The following RMDN1 variants were observed in gnomAD, a reference collection of about 807,000 sequenced individuals.
RMDN1 encodes regulator of microtubule dynamics 1, also known as regulator of microtubule dynamics protein 1.
Under a neutral mutation model 48.9 loss-of-function variants are expected in RMDN1, and 48 were observed. The observed-to-expected ratio is 0.98, with a 90% CI of 0.78 to 1.25. The LOEUF (loss-of-function observed/expected upper bound fraction) is 1.25. RMDN1 is among the 50% of genes most tolerant of loss of function. The pLI, the probability that RMDN1 is intolerant of heterozygous loss-of-function variation, is 0.00. For missense variants in RMDN1, 418 were observed against 373.4 expected (o/e 1.12, Z -0.98); for synonymous variants, 148 against 132.6 (o/e 1.12, Z -0.80).
intron 8 of RMDN1, among the ~76,000 whole-genome samples, chr8:86,475,735 GATTA>G (rs1264322888): frequency 6.6e-6 from 1 of 152,132 alleles, no homozygotes; most frequent in African/African-American, 2.4e-5. Flanking sequence ...TACAATTAAT[GATTA>G]ACTCCATTTG....
intron 1 of RMDN1, among the ~76,000 whole-genome samples, chr8:86,513,814 T>C (rs1312261463): frequency 2.0e-5 from 3 of 152,150 alleles, no homozygotes; most frequent in Admixed American, 2.0e-4. Flanking sequence ...ACAGCTAAGA[T>C]GTATTTCGCT....
intron 5 of RMDN1, among the ~76,000 whole-genome samples, chr8:86,482,274 C>T (rs1425221355): frequency 1.3e-5 from 2 of 151,862 alleles, no homozygotes; most frequent in South Asian, 2.1e-4. Flanking sequence ...TGGCAGTGGG[C>T]GCCTGTAATC....
Position 86,495,038 on chromosome 8 carries a change from G to C in RMDN1, c.248-6399C>G, listed in dbSNP as rs190528459. 343 of 331,124 alleles carry C rather than the reference G, an allele frequency of 1.0e-3. 4 individuals are homozygous for C. Among genetic ancestry groups the C allele is most frequent in the African/African-American group, 6.9e-3 (316 of 46,102 alleles). The allele number at this position is 331,124 out of a possible 1,614,324, so 20.5% of individuals were successfully genotyped here. A position where few individuals can be genotyped will look rare whatever the true frequency, so the allele number is the denominator to read the frequency against. On this transcript the variant is annotated intron_variant, in intron 2 of 9. Transcript: ENST00000406452. ...TCCTCAAGACACTTTTGAAAAACTA[G>C]AGGAGCCAAGATGGCTGACTAGGCA...
downstream of RMDN1, among the ~76,000 whole-genome samples, chr8:86,471,630 G>T (rs770098891): frequency 2.0e-5 from 3 of 151,980 alleles, no homozygotes; most frequent in African/African-American, 7.3e-5. Context: ...ATCTAAGGAA[G>T]AAGAGATACA....
upstream of RMDN1, among the ~76,000 whole-genome samples, chr8:86,511,552 G>A (rs1201346270): frequency 2.0e-5 from 3 of 152,142 alleles, no homozygotes; most frequent in Non-Finnish European, 4.4e-5. Context: ...CCTCATGCCT[G>A]TAATCCCAGC....
At chr8:86,489,068 A>G (rs1050780815) in intron 2 of RMDN1, among the ~76,000 whole-genome samples, 7 of 152,214 alleles carry the variant, frequency 4.6e-5, no homozygotes, top group Admixed American at 2.6e-4. Flanking sequence ...CTTGCTCTAC[A>G]CAGTCTTTGT....
chr8:86,480,483 C>T (rs1303903994), intron 5 of RMDN1, 151 bp from the exon 6 acceptor site: 1 of 495,264 alleles, frequency 2.0e-6, no homozygotes, highest in Non-Finnish European at 3.7e-6. Flanking sequence ...CCTCCTGATT[C>T]TTTGATTAAA....
chr8:86,504,318 G>A, intron 2 of RMDN1: 1 of 1,579,896 alleles, frequency 6.3e-7, no homozygotes, highest in East Asian at 2.2e-5. Flanking sequence ...TGCAAGATGA[G>A]AGTGCAAGGA....
At chr8:86,489,240 A>T (rs1377795537) in intron 2 of RMDN1, among the ~76,000 whole-genome samples, 3 of 152,226 alleles carry the variant, frequency 2.0e-5, no homozygotes, top group East Asian at 3.8e-4. Context: ...AGAAATTTAG[A>T]TGAAGCTAAC....
intron 2 of RMDN1, among the ~76,000 whole-genome samples, chr8:86,500,523 A>C (rs1178855216): frequency 7.1e-6 from 1 of 140,410 alleles, no homozygotes; most frequent in Non-Finnish European, 1.6e-5. Flanking sequence ...TTTCAAAAAA[A>C]AATAATTAAA....
At chr8:86,503,876 T>C (rs556089357) in intron 2 of RMDN1, 1 of 653,856 alleles carries the variant, frequency 1.5e-6, no homozygotes, top group Admixed American at 2.1e-5. Flanking sequence ...GTCAACCTGT[T>C]GGCTGTCTCT....
At chr8:86,498,895 T>C (rs1032999301) in intron 2 of RMDN1, among the ~76,000 whole-genome samples, 4 of 152,180 alleles carry the variant, frequency 2.6e-5, no homozygotes, top group African/African-American at 4.8e-5. Flanking sequence ...ATTCTTGAGA[T>C]GCAAGGTTGG....
chr8:86,484,105 T>C (rs780795558), intron 5 of RMDN1, among the ~76,000 whole-genome samples: 7 of 152,198 alleles, frequency 4.6e-5, no homozygotes, highest in Non-Finnish European at 7.4e-5. Context: ...AAACTGGGCT[T>C]GCCCTTGTGA....
intron 2 of RMDN1, chr8:86,505,134 C>A: frequency 1.5e-6 from 2 of 1,294,494 alleles, no homozygotes; most frequent in Non-Finnish European, 2.0e-6. Flanking sequence ...GAGACCTCAT[C>A]AGGATGAACC....
chr8:86,508,498 G>A lies in RMDN1; in HGVS notation c.123C>T (p.Gly41=), dbSNP rs1428474635. The change falls in exon 1 of 10, where the codon GGC becomes GGT. Residue 41 remains glycine, a synonymous_variant. Transcript: ENST00000406452. ...RGHCGPCRFR[G]FEVMGNPGTF... is the part of the protein sequence containing the mutation. The stretch of plus-strand genomic sequence containing the variant: ...GCCAGGACCACGGGGGTACCTCGAA[G>A]CCGCGGAATCGACAGGGGCCGCAAT... 3 of 1,550,250 alleles carry A rather than the reference G, an allele frequency of 1.9e-6. No individual in the cohort carries two copies. The highest frequency in any genetic ancestry group is 2.4e-5 in the South Asian group (2 of 84,192).
upstream of RMDN1, chr8:86,508,748 T>C (rs1819859162): frequency 2.9e-6 from 4 of 1,391,292 alleles, no homozygotes; most frequent in East Asian, 2.8e-5. Context: ...CTCTTCCGCC[T>C]CCTGCCCAGC....
intron 9 of RMDN1, 44 bp from the exon 10 acceptor site, chr8:86,474,402 G>C (rs1479213286): frequency 2.0e-6 from 3 of 1,464,384 alleles, no homozygotes; most frequent in Non-Finnish European, 2.9e-6. Context: ...GGAGAGCTAA[G>C]AGACTAACTT....
chr8:86,470,863 G>A (rs1812494341), downstream of RMDN1, among the ~76,000 whole-genome samples: 2 of 152,156 alleles, frequency 1.3e-5, no homozygotes, highest in African/African-American at 4.8e-5. Flanking sequence ...AGTTAGGGAT[G>A]GGTGGGGGAG....
intron 5 of RMDN1, among the ~76,000 whole-genome samples, chr8:86,481,559 CCTTT>C (rs1814442877): frequency 9.6e-6 from 1 of 103,814 alleles, no homozygotes; most frequent in African/African-American, 3.5e-5. Flanking sequence ...AATTAATTTT[CCTTT>C]TTTTTTTTTT....
Sources: gnomAD v4.1 joint callset for allele counts (sites outside exome capture counted in the v4.1 genomes callset) on GRCh38, gnomAD v4.1.1 for gene constraint, MANE v1.5 for transcripts, NCBI Gene and HGNC (gene_info 2026-07-23, HGNC 2026-07-21) for gene names.